VCL: variants seen among roughly 807,000 people sequenced by gnomAD.
VCL encodes the protein epididymis luminal protein 114.
A neutral mutation model predicts 125.7 loss-of-function variants in VCL; 47 were observed. The observed-to-expected ratio is 0.37, with a 90% CI of 0.30 to 0.48. The LOEUF is 0.48. VCL is among the 20% of genes least tolerant of loss of function. VCL has a pLI of 0.99. For missense variants in VCL, 1,069 were observed against 1,455.5 expected (o/e 0.73, Z 4.32); for synonymous variants, 458 against 514.6 (o/e 0.89, Z 1.49).
intron 1 of VCL, among the ~76,000 whole-genome samples, chr10:74,006,983 T>A (rs893109357): frequency 1.1e-4 from 16 of 152,306 alleles, no homozygotes; most frequent in Admixed American, 9.8e-4. Context: ...TTATTTATTT[T>A]GAGACAGGAT....
intron 1 of VCL, among the ~76,000 whole-genome samples, chr10:74,011,187 A>G (rs950699289): frequency 2.6e-5 from 4 of 151,740 alleles, no homozygotes; most frequent in African/African-American, 9.7e-5. Context: ...AAAAAAAAAA[A>G]AAAAGACACG....
chr10:74,056,799 G>A (rs1006841141), intron 2 of VCL, among the ~76,000 whole-genome samples: 1 of 152,052 alleles, frequency 6.6e-6, no homozygotes, highest in Non-Finnish European at 1.5e-5. Context: ...AGCTATTACT[G>A]ATATGCCACA....
chr10:74,116,216 G>A (rs1192289186), intron 21 of VCL, among the ~76,000 whole-genome samples: 3 of 152,164 alleles, frequency 2.0e-5, no homozygotes, highest in African/African-American at 4.8e-5. Flanking sequence ...GAAATAAGGC[G>A]GCCATTCTTC....
rs769602439 is a variant in VCL, at chr10:74,036,704, T to TA, written c.169-6367dup. Reference sequence around the variant, plus strand: ...TGGGCAATATAGCAAGACCCCATCTTAAAAAAAAAAAAGTAAAAAAGAAGC... The same window carrying TA: ...TGGGCAATATAGCAAGACCCCATCTTAAAAAAAAAAAAAGTAAAAAAGAAGC... On this transcript the variant is annotated intron_variant, in intron 1 of 21. Transcript: ENST00000211998. Among the ~76,000 whole-genome samples, 571 of 143,174 alleles carry TA rather than the reference T, an allele frequency of 4.0e-3. 1 individual carries two copies. Among genetic ancestry groups the TA allele is most frequent in the African/African-American group, 4.9e-3 (192 of 39,268 alleles). 93.9% of individuals were successfully genotyped at this position (143,174 alleles called of 152,430 possible).
Position 74,017,557 on chromosome 10 carries a change from C to CT in VCL, c.168+19195dup, listed in dbSNP as rs956763044. ...GCTGCTGCTTTTTCTTTCTTTCTTT[C>CT]TTTTTTTTTTTTTGAGACAGGGTCT... On this transcript the variant is annotated intron_variant, in intron 1 of 21. Coordinates refer to ENST00000211998, the MANE Select transcript of VCL (RefSeq NM_014000.3). Among the ~76,000 whole-genome samples the CT allele has an allele frequency of 4.2e-3, 397 of 94,250 alleles. 2 individuals are homozygous for CT. The highest frequency in any genetic ancestry group is 0.013 in the African/African-American group (313 of 23,704). 61.8% of individuals were successfully genotyped at this position (94,250 alleles called of 152,430 possible). A position where few individuals can be genotyped will look rare whatever the true frequency, so the allele number is the denominator to read the frequency against.
At chr10:74,073,602 A>AT (rs1209465304) in intron 5 of VCL, among the ~76,000 whole-genome samples, 1 of 152,160 alleles carries the variant, frequency 6.6e-6, no homozygotes, top group Non-Finnish European at 1.5e-5. Flanking sequence ...TATTAATCCA[A>AT]TTTTTCCTAA....
chr10:74,107,174 A>G, intron 16 of VCL, 56 bp from the exon 17 acceptor site: 1 of 1,613,592 alleles, frequency 6.2e-7, no homozygotes, highest in Non-Finnish European at 8.5e-7. Context: ...TGCTGCACAG[A>G]CAGTGCTTTG....
Position 74,058,941 on chromosome 10 carries a change from GAA to G in VCL, c.240-11727_240-11726del, listed in dbSNP as rs561389797. On this transcript the variant is annotated intron_variant, in intron 2 of 21. Coordinates refer to ENST00000211998, the MANE Select transcript of VCL (RefSeq NM_014000.3). ...CGTGCGTATGCGTGAGAGAGAGAGAGAAAGAGATCTACTGGAAAAAGAGCTCA... is the reference window on the plus strand; with the variant it reads ...CGTGCGTATGCGTGAGAGAGAGAGAGAGAGATCTACTGGAAAAAGAGCTCA... 5.5e-4 allele frequency among the ~76,000 whole-genome samples: 84 copies of G among 152,168 alleles called. No individual in the cohort carries two copies. In the South Asian group the frequency reaches 0.011, roughly 21 times the overall value.
intron 16 of VCL, among the ~76,000 whole-genome samples, chr10:74,106,790 T>A (rs1470822709): frequency 6.6e-6 from 1 of 152,194 alleles, no homozygotes; most frequent in Non-Finnish European, 1.5e-5. Flanking sequence ...AGGGTTAACA[T>A]ACTGAATGCC....
At chr10:74,117,887 C>T in intron 21 of VCL, 136 bp from the exon 22 acceptor site, 1 of 1,284,296 alleles carries the variant, frequency 7.8e-7, no homozygotes, top group Admixed American at 1.7e-5. Context: ...TGGGAAAACC[C>T]CTAGTGATGC....
rs187329763 is a variant in VCL, at chr10:74,118,391, G to A, written c.*222G>A. ...TATAAAGCCTGTATTCTCAAACACA[G>A]TTACACTTGTGCACCCTCTATCCCA... On this transcript the variant is annotated 3_prime_UTR_variant, in exon 22 of 22. Transcript: ENST00000211998. The A allele has an allele frequency of 1.6e-6, 1 of 606,824 alleles. No individual in the cohort carries two copies. The highest frequency in any genetic ancestry group is 3.1e-5 in the East Asian group (1 of 32,526). The allele number at this position is 606,824 out of a possible 1,614,324, so 37.6% of individuals were successfully genotyped here. A position where few individuals can be genotyped will look rare whatever the true frequency, so the allele number is the denominator to read the frequency against.
intron 17 of VCL, among the ~76,000 whole-genome samples, chr10:74,107,903 A>G (rs1840163156): frequency 6.6e-6 from 1 of 152,182 alleles, no homozygotes; most frequent in African/African-American, 2.4e-5. Context: ...TGGTGTAGGA[A>G]GAAGCTAGCT....
At chr10:74,043,540 T>C (rs1292488971) in intron 2 of VCL, among the ~76,000 whole-genome samples, 1 of 151,834 alleles carries the variant, frequency 6.6e-6, no homozygotes, top group Admixed American at 6.6e-5. Flanking sequence ...AGAGATGGGG[T>C]TTCACCATGT....
chr10:74,101,661 T>C (rs1840060451), intron 14 of VCL, among the ~76,000 whole-genome samples: 1 of 146,396 alleles, frequency 6.8e-6, no homozygotes. Flanking sequence ...GTTCACGCCA[T>C]TCTCCTGCCT....
intron 19 of VCL, among the ~76,000 whole-genome samples, chr10:74,113,651 G>C (rs78400538): frequency 0.018 from 2,735 of 151,644 alleles, 94 homozygotes; most frequent in African/African-American, 0.062. Flanking sequence ...TAGCAAGAAC[G>C]CTTGGCTGCT....
At chr10:74,008,286 A>AAGAG (rs557219191) in intron 1 of VCL, among the ~76,000 whole-genome samples, 23 of 152,332 alleles carry the variant, frequency 1.5e-4, no homozygotes, top group African/African-American at 3.4e-4. Flanking sequence ...AATATATACT[A>AAGAG]AGAGGAATGA....
At chr10:74,022,787 C>T (rs1356958152) in intron 1 of VCL, among the ~76,000 whole-genome samples, 3 of 151,636 alleles carry the variant, frequency 2.0e-5, no homozygotes, top group African/African-American at 7.3e-5. Context: ...CAGGTGCGTG[C>T]CACCACACCC....
chr10:74,026,229 T>A (rs530167073), intron 1 of VCL, among the ~76,000 whole-genome samples: 1 of 152,362 alleles, frequency 6.6e-6, no homozygotes, highest in East Asian at 1.9e-4. Context: ...CATTCACCCA[T>A]GCAAGTTTTA....
At chr10:74,090,275 T>TTTCTTCCC in intron 10 of VCL, 77 bp downstream of exon 10, 1 of 1,542,274 alleles carries the variant, frequency 6.5e-7, no homozygotes, top group South Asian at 1.1e-5. Flanking sequence ...CCTTTCTTTC[T>TTTCTTCCC]TTCTTCCCCC....
Sources: allele counts gnomAD v4.1 joint callset (sites outside exome capture counted in the v4.1 genomes callset), GRCh38; gene constraint gnomAD v4.1.1; transcripts MANE v1.5; gene names NCBI Gene and HGNC (gene_info 2026-07-23, HGNC 2026-07-21).